GPR158: variants seen among roughly 807,000 people sequenced by gnomAD.
GPR158 encodes the protein metabotropic glycine receptor.
A neutral mutation model predicts 78.2 loss-of-function variants in GPR158; 30 were observed. That is an observed-to-expected ratio of 0.38 (90% CI 0.29 to 0.52). The LOEUF (loss-of-function observed/expected upper bound fraction) is 0.52. GPR158 is among the 20% of genes least tolerant of loss of function. The probability of loss-of-function intolerance (pLI) is 0.83; values close to 1 mark genes in which losing one functional copy is unlikely to be tolerated. For missense variants in GPR158, 1,463 were observed against 1,523.5 expected (o/e 0.96, Z 0.66); for synonymous variants, 581 against 591.1 (o/e 0.98, Z 0.25).
intron 2 of GPR158, among the ~76,000 whole-genome samples, chr10:25,322,512 C>T (rs1854967316): frequency 6.6e-6 from 1 of 152,186 alleles, no homozygotes; most frequent in South Asian, 2.1e-4. Context: ...GCTCGTAACT[C>T]CTGTTACTGA....
chr10:25,598,793 A>G lies in GPR158; in HGVS notation c.3167A>G (p.Glu1056Gly), dbSNP rs1241938551. The change falls in exon 11 of 11, where the codon GAG becomes GGG. Residue 1056 changes from glutamate (E) to glycine (G), a missense_variant. Physicochemically the swap from Glu to Gly is moderately conservative, Grantham distance 98. Coordinates refer to ENST00000376351, the MANE Select transcript of GPR158 (RefSeq NM_020752.3). Reference sequence around the variant, plus strand: ...TCTCACCACAAGCCTAAGGCAGCTGAGGTTTGTCAGCAATCCAATCAGAAG... The same window carrying G: ...TCTCACCACAAGCCTAAGGCAGCTGGGGTTTGTCAGCAATCCAATCAGAAG... ...EKSHHKPKAAEVCQQSNQKRI... is the reference protein window; with the variant it reads ...EKSHHKPKAAGVCQQSNQKRI... 6.2e-7 allele frequency: 1 copy of G among 1,614,130 alleles called. No homozygotes were observed. Among genetic ancestry groups the G allele is most frequent in the Non-Finnish European group, 8.5e-7 (1 of 1,180,012 alleles).
intron 5 of GPR158, among the ~76,000 whole-genome samples, chr10:25,528,435 C>A (rs779648083): frequency 6.6e-6 from 1 of 151,900 alleles, no homozygotes; most frequent in Non-Finnish European, 1.5e-5. Flanking sequence ...CTGAAGAAAT[C>A]TTCAGTGTTA....
chr10:25,501,400 T>A (rs1835944715), intron 5 of GPR158, among the ~76,000 whole-genome samples: 1 of 152,208 alleles, frequency 6.6e-6, no homozygotes, highest in Non-Finnish European at 1.5e-5. Flanking sequence ...AATCTACTTT[T>A]CCTTCATGAT....
chr10:25,193,823 T>C (rs1016431475), intron 1 of GPR158, among the ~76,000 whole-genome samples: 9 of 151,882 alleles, frequency 5.9e-5, no homozygotes, highest in Non-Finnish European at 1.3e-4. Flanking sequence ...GAATAAGCTA[T>C]TCCTAATTGC....
At chr10:25,194,829 A>G (rs1483891204) in intron 1 of GPR158, among the ~76,000 whole-genome samples, 1 of 151,972 alleles carries the variant, frequency 6.6e-6, no homozygotes, top group African/African-American at 2.4e-5. Context: ...TGATTTTTGC[A>G]TCTATAAATT....
intron 2 of GPR158, among the ~76,000 whole-genome samples, chr10:25,241,278 TTCTTTC>T (rs1283934266): frequency 4.6e-5 from 2 of 43,220 alleles, no homozygotes; most frequent in Non-Finnish European, 8.7e-5. Context: ...TTTCCTTTCT[TTCTTTC>T]TTTTCTTTTC....
intron 4 of GPR158, among the ~76,000 whole-genome samples, chr10:25,448,821 T>A (rs1171724824): frequency 1.3e-5 from 2 of 152,196 alleles, no homozygotes; most frequent in Non-Finnish European, 2.9e-5. Context: ...AGATTTTTCT[T>A]TGTGGCTTTA....
chr10:25,413,564 A>G (rs1834621306), intron 4 of GPR158, among the ~76,000 whole-genome samples: 2 of 152,222 alleles, frequency 1.3e-5, no homozygotes, highest in African/African-American at 2.4e-5. Context: ...TCCAAATTCA[A>G]ATGATCTCTT....
In GPR158 at chr10:25,203,740, T is replaced by C. The variant is rs535051684; in HGVS notation, c.903-17312T>C. ...TTAGGATTGTCTTGGTAATGCAGGCTCTTTTTTTTGGTTCCATATGAACTT... is the reference window on the plus strand; with the variant it reads ...TTAGGATTGTCTTGGTAATGCAGGCCCTTTTTTTTGGTTCCATATGAACTT... On this transcript the variant is annotated intron_variant, in intron 1 of 10. Transcript: ENST00000376351. Among the ~76,000 whole-genome samples the C allele has an allele frequency of 2.7e-4, 39 of 145,280 alleles. 7 individuals are homozygous for C. Among genetic ancestry groups the C allele is most frequent in the Middle Eastern group, 3.4e-3 (1 of 292 alleles).
chr10:25,192,298 A>G (rs1470980675), intron 1 of GPR158, among the ~76,000 whole-genome samples: 1 of 152,172 alleles, frequency 6.6e-6, no homozygotes, highest in African/African-American at 2.4e-5. Context: ...AAGTTTCCTG[A>G]GGCCTCCCCA....
chr10:25,364,799 T>C (rs945560090), intron 2 of GPR158, among the ~76,000 whole-genome samples: 4 of 151,978 alleles, frequency 2.6e-5, no homozygotes, highest in African/African-American at 9.6e-5. Flanking sequence ...ATAGCTACTT[T>C]CTTTAAAATT....
chr10:25,375,398 T>C (rs915907255), intron 2 of GPR158, among the ~76,000 whole-genome samples: 43 of 151,702 alleles, frequency 2.8e-4, no homozygotes, highest in African/African-American at 1.0e-3. Context: ...ATTTTTTTCT[T>C]TATGAATTGT....
At chr10:25,267,421 G>A (rs1445131966) in intron 2 of GPR158, among the ~76,000 whole-genome samples, 1 of 152,068 alleles carries the variant, frequency 6.6e-6, no homozygotes, top group African/African-American at 2.4e-5. Flanking sequence ...AAAAGGATGG[G>A]GGAAACTGCC....
At chr10:25,404,022 G>T (rs1834479639) in intron 3 of GPR158, among the ~76,000 whole-genome samples, 1 of 152,024 alleles carries the variant, frequency 6.6e-6, no homozygotes, top group Non-Finnish European at 1.5e-5. Context: ...CCATTAAATA[G>T]AGCTTCTTAT....
intron 5 of GPR158, among the ~76,000 whole-genome samples, chr10:25,527,849 A>C (rs1186541220): frequency 1.3e-5 from 2 of 152,146 alleles, no homozygotes; most frequent in African/African-American, 4.8e-5. Flanking sequence ...CAGGAATGAA[A>C]AAGAAAATAT....
chr10:25,298,990 T>A (rs1237047054), intron 2 of GPR158, among the ~76,000 whole-genome samples: 2 of 152,218 alleles, frequency 1.3e-5, no homozygotes, highest in Admixed American at 6.5e-5. Flanking sequence ...CAGTGCTTGT[T>A]AATTTTGTAG....
chr10:25,229,698 A>G (rs1352790430), intron 2 of GPR158, among the ~76,000 whole-genome samples: 2 of 152,338 alleles, frequency 1.3e-5, no homozygotes, highest in East Asian at 3.9e-4. Context: ...ATTTTCTAGG[A>G]AACATGTAAC....
chr10:25,533,762 C>A (rs1836455426), intron 5 of GPR158, among the ~76,000 whole-genome samples: 1 of 152,146 alleles, frequency 6.6e-6, no homozygotes, highest in East Asian at 1.9e-4. Flanking sequence ...TAATTTTAAT[C>A]TTTCTACTCT....
chr10:25,211,613 GCACTGGGGATGAAGTTC>G (rs1352121465), intron 1 of GPR158, among the ~76,000 whole-genome samples: 8 of 152,316 alleles, frequency 5.3e-5, no homozygotes, highest in African/African-American at 1.4e-4. Flanking sequence ...TATCACCGTT[GCACTGGGGATGAAGTTC>G]CTAACACACG....
Sources: allele counts gnomAD v4.1 joint callset (sites outside exome capture counted in the v4.1 genomes callset), GRCh38; gene constraint gnomAD v4.1.1; transcripts MANE v1.5; gene names NCBI Gene and HGNC (gene_info 2026-07-23, HGNC 2026-07-21).